MAPK10: variants seen among roughly 807,000 people sequenced by gnomAD.
MAPK10 encodes mitogen-activated protein kinase 10, also known as JNK3 alpha protein kinase.
In MAPK10, 25 loss-of-function variants were observed where a neutral mutation model predicts 59.3. That is an observed-to-expected ratio of 0.42 (90% CI 0.31 to 0.59). MAPK10 has a LOEUF of 0.59. Ranked by LOEUF, MAPK10 falls within the 20% of genes least tolerant of loss-of-function variation. The probability of loss-of-function intolerance (pLI) is 0.15; values close to 1 mark genes in which losing one functional copy is unlikely to be tolerated. For missense variants in MAPK10, 351 were observed against 568.9 expected, an observed-to-expected ratio of 0.62 and a Z score of 3.90; for synonymous variants, 190 against 200.5, an observed-to-expected ratio of 0.95 and a Z score of 0.44.
At chr4:86,479,465 A>G (rs899127552) in intron 1 of MAPK10, among the ~76,000 whole-genome samples, 25 of 114,758 alleles carry the variant, frequency 2.2e-4, no homozygotes, top group African/African-American at 7.8e-4. Flanking sequence ...CTTGGACTGC[A>G]CCCCCCACCA....
At chr4:86,547,446 C>G (rs1447738361) in intron 1 of MAPK10, among the ~76,000 whole-genome samples, 2 of 152,254 alleles carry the variant, frequency 1.3e-5, no homozygotes, top group Non-Finnish European at 2.9e-5. Context: ...CCTGGGCCAG[C>G]AACTGCTGTG....
intron 4 of MAPK10, chr4:86,124,146 A>G (rs763541456): frequency 5.3e-5 from 8 of 151,990 alleles, no homozygotes; most frequent in Non-Finnish European, 8.8e-5. Context: ...GCTGAACATA[A>G]TTACACTAAA....
chr4:86,288,719 TC>T (rs2095115812), intron 2 of MAPK10, among the ~76,000 whole-genome samples: 1 of 152,160 alleles, frequency 6.6e-6, no homozygotes, highest in South Asian at 2.1e-4. Flanking sequence ...AAAGTCTTTC[TC>T]CTCCAGAGGC....
intron 1 of MAPK10, among the ~76,000 whole-genome samples, chr4:86,488,188 G>T (rs1196231657): frequency 6.6e-6 from 1 of 152,148 alleles, no homozygotes; most frequent in Admixed American, 6.5e-5. Context: ...ATGATGCTCT[G>T]CTCAGATCAT....
chr4:86,491,250 C>G (rs974538073), intron 1 of MAPK10, among the ~76,000 whole-genome samples: 1 of 152,180 alleles, frequency 6.6e-6, no homozygotes, highest in South Asian at 2.1e-4. Flanking sequence ...ACTTTGCACA[C>G]AGACAGCTCC....
intron 2 of MAPK10, among the ~76,000 whole-genome samples, chr4:86,302,376 GTAT>G (rs1454000723): frequency 6.6e-5 from 10 of 152,286 alleles, no homozygotes; most frequent in East Asian, 1.9e-4. Context: ...CTAGTCATTA[GTAT>G]TCAGGATAAG....
chr4:86,372,330 A>G (rs1470870898), intron 1 of MAPK10, among the ~76,000 whole-genome samples: 1 of 152,008 alleles, frequency 6.6e-6, no homozygotes, highest in African/African-American at 2.4e-5. Context: ...CATCTTAGTC[A>G]ACATGGTGAA....
chr4:86,550,017 T>C (rs1759632220), intron 1 of MAPK10, among the ~76,000 whole-genome samples: 1 of 152,186 alleles, frequency 6.6e-6, no homozygotes, highest in South Asian at 2.1e-4. Context: ...CTTTCAAGGA[T>C]AGCTTTCAAG....
At chr4:86,198,690 T>G (rs919642472) in intron 2 of MAPK10, among the ~76,000 whole-genome samples, 5 of 151,904 alleles carry the variant, frequency 3.3e-5, no homozygotes, top group African/African-American at 1.2e-4. Context: ...ATAAATAATA[T>G]ATATGCTAAG....
intron 2 of MAPK10, among the ~76,000 whole-genome samples, chr4:86,328,680 G>A (rs556135576): frequency 2.6e-5 from 4 of 152,186 alleles, no homozygotes; most frequent in Non-Finnish European, 5.9e-5. Context: ...CATAACAAAG[G>A]ATGAGTTCAT....
intron 4 of MAPK10, among the ~76,000 whole-genome samples, chr4:86,109,310 G>C (rs1266683567): frequency 6.6e-6 from 1 of 152,118 alleles, no homozygotes; most frequent in Non-Finnish European, 1.5e-5. Context: ...ATGGTGGTTT[G>C]CTGCATCTAT....
At chr4:86,498,181 G>T (rs1426230413) in intron 1 of MAPK10, among the ~76,000 whole-genome samples, 1 of 152,186 alleles carries the variant, frequency 6.6e-6, no homozygotes, top group Non-Finnish European at 1.5e-5. Flanking sequence ...ACTCTCAAAA[G>T]TGTCTTGGTT....
At chr4:86,191,553 C>CTTTTTGTTTTTTTTTTTTTTT (rs2079811990) in intron 3 of MAPK10, 1 of 30,370 alleles carries the variant, frequency 3.3e-5, no homozygotes, top group African/African-American at 5.7e-5. Flanking sequence ...ACAACCCGTG[C>CTTTTTGTTTTTTTTTTTTTTT]TTTTTTTTTT....
chr4:86,506,551 A>G (rs1040554348), intron 1 of MAPK10, among the ~76,000 whole-genome samples: 7 of 152,172 alleles, frequency 4.6e-5, no homozygotes, highest in South Asian at 2.1e-4. Context: ...GTGTTCCCCC[A>G]GAAGAAGACC....
chr4:86,583,186 T>C (rs1762422465), intron 1 of MAPK10, among the ~76,000 whole-genome samples: 1 of 151,742 alleles, frequency 6.6e-6, no homozygotes, highest in Non-Finnish European at 1.5e-5. Context: ...TATTTTCTTT[T>C]CTTTTTTTTT....
In MAPK10 at chr4:86,012,467, TG is replaced by T. The variant is rs1741621643; in HGVS notation, c.*4760del. 6.6e-6 allele frequency: 1 copy of T among 152,150 alleles called. No individual in the cohort carries two copies. The highest frequency in any genetic ancestry group is 1.5e-5 in the Non-Finnish European group (1 of 68,020). The allele number at this position is 152,150 out of a possible 1,614,324, so 9.4% of individuals were successfully genotyped here. On this transcript the variant is annotated 3_prime_UTR_variant, in exon 14 of 14. Coordinates refer to ENST00000641462, the MANE Select transcript of MAPK10 (RefSeq NM_138982.4). The stretch of plus-strand genomic sequence containing the variant: ...TCAACAGGCAAACTCCAACAATGTC[TG>T]GGTTTGGATTTGGTTTTATGTTGAG...
chr4:86,135,429 T>A (rs1166075570), intron 4 of MAPK10, among the ~76,000 whole-genome samples: 1 of 152,130 alleles, frequency 6.6e-6, no homozygotes, highest in Non-Finnish European at 1.5e-5. Context: ...AGGGGCACAC[T>A]GAAACCTCAC....
chr4:86,112,472 C>G lies in MAPK10; in HGVS notation c.237-5120G>C, dbSNP rs139045635. 4.9e-3 allele frequency among the ~76,000 whole-genome samples: 748 copies of G among 152,162 alleles called. 8 individuals are homozygous for G. The highest frequency in any genetic ancestry group is 0.016 in the African/African-American group (680 of 41,518). On this transcript the variant is annotated intron_variant, in intron 4 of 13. Coordinates refer to ENST00000641462, the MANE Select transcript of MAPK10 (RefSeq NM_138982.4). Reference sequence around the variant, plus strand: ...ATTTCTGCCTTAATTTCATTATTTACCCAGGAGTCATTCAGGAGCATGTTG... The same window carrying G: ...ATTTCTGCCTTAATTTCATTATTTAGCCAGGAGTCATTCAGGAGCATGTTG...
chr4:86,412,614 T>C (rs1206689565), intron 1 of MAPK10, among the ~76,000 whole-genome samples: 1 of 152,226 alleles, frequency 6.6e-6, no homozygotes, highest in African/African-American at 2.4e-5. Context: ...CATTCTTTTT[T>C]CTCTAATCTT....
Sources: gnomAD v4.1 joint callset for allele counts (sites outside exome capture counted in the v4.1 genomes callset) on GRCh38, gnomAD v4.1.1 for gene constraint, MANE v1.5 for transcripts, NCBI Gene and HGNC (gene_info 2026-07-23, HGNC 2026-07-21) for gene names.